Variants in FSTL4 observed in about 807,000 individuals in gnomAD.
FSTL4 encodes the protein follistatin-related protein 4.
A neutral mutation model predicts 78.2 loss-of-function variants in FSTL4; 28 were observed. That is an observed-to-expected ratio of 0.36 (90% CI 0.27 to 0.49). The LOEUF (loss-of-function observed/expected upper bound fraction) is 0.49. Ranked by LOEUF, FSTL4 falls within the 20% of genes least tolerant of loss-of-function variation. FSTL4 has a pLI of 0.98. For synonymous variants in FSTL4, 422 were observed against 440.5 expected (o/e 0.96, Z 0.53); for missense variants, 922 against 1,084.9 (o/e 0.85, Z 2.11).
the FSTL4 span, among the ~76,000 whole-genome samples, chr5:133,666,726 T>C: frequency 6.6e-6 from 1 of 152,328 alleles, no homozygotes; most frequent in Admixed American, 6.5e-5. Context: ...TAACTTCCCT[T>C]TCCTGACAGT....
the FSTL4 span, among the ~76,000 whole-genome samples, chr5:133,713,291 A>G: frequency 6.6e-6 from 1 of 152,252 alleles, no homozygotes. Flanking sequence ...TGGTATAATC[A>G]TCTAACATTT....
At chr5:133,601,281 T>C (rs1250449345) in intron 2 of FSTL4, among the ~76,000 whole-genome samples, 3 of 152,208 alleles carry the variant, frequency 2.0e-5, no homozygotes, top group Admixed American at 2.0e-4. Flanking sequence ...AACCTCTATT[T>C]TGCTTATAAA....
chr5:133,557,764 C>T (rs1399479724), intron 3 of FSTL4, among the ~76,000 whole-genome samples: 1 of 152,170 alleles, frequency 6.6e-6, no homozygotes, highest in Non-Finnish European at 1.5e-5. Flanking sequence ...ATATCTGAAG[C>T]CCAGCACTCC....
intron 2 of FSTL4, among the ~76,000 whole-genome samples, chr5:133,597,390 C>T (rs112709033): frequency 9.2e-5 from 14 of 152,134 alleles, no homozygotes; most frequent in East Asian, 7.8e-4. Flanking sequence ...GCCAACTCCC[C>T]GAAAAATAGA....
chr5:133,295,382 T>G (rs1282770081), intron 6 of FSTL4, among the ~76,000 whole-genome samples: 1 of 152,158 alleles, frequency 6.6e-6, no homozygotes, highest in Non-Finnish European at 1.5e-5. Flanking sequence ...GTACTGCCTC[T>G]TCCTTCCACA....
At chr5:133,490,925 G>C (rs1225098430) in intron 3 of FSTL4, among the ~76,000 whole-genome samples, 2 of 152,098 alleles carry the variant, frequency 1.3e-5, no homozygotes, top group Non-Finnish European at 2.9e-5. Flanking sequence ...ACAAAGAAAG[G>C]AACAATAGAC....
At chr5:133,830,001 A>C in the FSTL4 span, among the ~76,000 whole-genome samples, 1 of 152,116 alleles carries the variant, frequency 6.6e-6, no homozygotes, top group Non-Finnish European at 1.5e-5. Flanking sequence ...GGTGACAGCC[A>C]AGGTTGGCCT....
chr5:133,564,639 TA>T (rs1215080472), intron 3 of FSTL4, among the ~76,000 whole-genome samples: 3 of 152,084 alleles, frequency 2.0e-5, no homozygotes, highest in Non-Finnish European at 1.5e-5. Flanking sequence ...TAGGGTAAGC[TA>T]AACACTTCAA....
At chr5:133,532,622 A>G (rs577147170) in intron 3 of FSTL4, among the ~76,000 whole-genome samples, 2 of 152,272 alleles carry the variant, frequency 1.3e-5, no homozygotes, top group South Asian at 4.1e-4. Context: ...CGTCAGAACC[A>G]GGCCTTATCT....
intron 3 of FSTL4, among the ~76,000 whole-genome samples, chr5:133,480,538 C>T (rs1467959474): frequency 6.6e-6 from 1 of 152,064 alleles, no homozygotes; most frequent in Admixed American, 6.5e-5. Context: ...CAACCCCAGC[C>T]ACTCCTTGTC....
chr5:133,488,352 T>A (rs775117458), intron 3 of FSTL4, among the ~76,000 whole-genome samples: 6 of 152,188 alleles, frequency 3.9e-5, no homozygotes, highest in Non-Finnish European at 8.8e-5. Flanking sequence ...CCTGCTGGGT[T>A]CAAGCGATTC....
In FSTL4 at chr5:133,542,058, GT is replaced by G. The variant is rs570966671; in HGVS notation, c.160+25127del. Among the ~76,000 whole-genome samples, 19 of 152,128 alleles carry G rather than the reference GT, an allele frequency of 1.2e-4. No homozygotes were observed. In the East Asian group the frequency reaches 3.7e-3, roughly 29 times the overall value. On this transcript the variant is annotated intron_variant, in intron 3 of 15. Transcript: ENST00000265342. ...ATATCTGTAAAACCCTTTCCTAACA[GT>G]GAAAAACCTTGCTCGCATTATATAC...
chr5:133,373,666 A>G (rs562528274), intron 4 of FSTL4, among the ~76,000 whole-genome samples: 16 of 152,166 alleles, frequency 1.1e-4, no homozygotes, highest in Non-Finnish European at 2.2e-4. Flanking sequence ...GACCCCACCA[A>G]ACCTACCCTC....
chr5:133,795,407 C>T, the FSTL4 span, among the ~76,000 whole-genome samples: 1 of 152,206 alleles, frequency 6.6e-6, no homozygotes, highest in South Asian at 2.1e-4. Flanking sequence ...GTCCACAAGG[C>T]TGTTAGCATG....
chr5:133,769,650 ATAAG>A, the FSTL4 span, among the ~76,000 whole-genome samples: 17 of 152,372 alleles, frequency 1.1e-4, no homozygotes, highest in South Asian at 8.3e-4. Flanking sequence ...GTTCACCTTC[ATAAG>A]TAAGTATTTC....
Position 133,197,856 on chromosome 5 carries a change from A to G in FSTL4, c.*1239T>C, listed in dbSNP as rs1353753815. 2 of 152,232 alleles carry G rather than the reference A, an allele frequency of 1.3e-5. No homozygotes were observed. The highest frequency in any genetic ancestry group is 4.8e-5 in the African/African-American group (2 of 41,398). 9.4% of individuals were successfully genotyped at this position (152,232 alleles called of 1,614,324 possible). A position where few individuals can be genotyped will look rare whatever the true frequency, so the allele number is the denominator to read the frequency against. On this transcript the variant is annotated 3_prime_UTR_variant, in exon 16 of 16. Transcript: ENST00000265342. ...GTTGTACTTCTTCGATGCCCATGTG[A>G]GAGTCACCACAGCCTGAGACACATA...
At chr5:133,709,497 T>C in the FSTL4 span, among the ~76,000 whole-genome samples, 1 of 152,388 alleles carries the variant, frequency 6.6e-6, no homozygotes, top group Admixed American at 6.5e-5. Context: ...AAGAGCACTT[T>C]CAGAGATGTT....
chr5:133,804,675 T>C, the FSTL4 span, among the ~76,000 whole-genome samples: 1 of 152,096 alleles, frequency 6.6e-6, no homozygotes, highest in Non-Finnish European at 1.5e-5. Flanking sequence ...GGGCTTCCAC[T>C]CCCTTCCTGA....
At chr5:133,251,282 C>T (rs1752227420) in intron 6 of FSTL4, among the ~76,000 whole-genome samples, 3 of 152,138 alleles carry the variant, frequency 2.0e-5, no homozygotes, top group South Asian at 4.1e-4. Flanking sequence ...GCATTCTCCC[C>T]AAGAGTAGAG....
Sources: allele counts gnomAD v4.1 joint callset (sites outside exome capture counted in the v4.1 genomes callset), GRCh38; gene constraint gnomAD v4.1.1; transcripts MANE v1.5; gene names NCBI Gene and HGNC (gene_info 2026-07-23, HGNC 2026-07-21).